Variants in CDH18 observed in about 807,000 individuals in gnomAD.
The protein encoded by CDH18 is cadherin-18.
CDH18 carries 31 observed loss-of-function variants against 67.9 expected under a neutral mutation model. The ratio of observed to expected loss-of-function variants is 0.46; its 90% CI spans 0.34 to 0.62. The LOEUF (loss-of-function observed/expected upper bound fraction) is 0.62, where lower values mean the gene tolerates loss of function less well. Ranked by LOEUF, CDH18 falls within the 20% of genes least tolerant of loss-of-function variation. The pLI is 0.01. For synonymous variants in CDH18, 362 were observed against 347.2 expected, an observed-to-expected ratio of 1.04 and a Z score of -0.48; for missense variants, 890 against 975.5, an observed-to-expected ratio of 0.91 and a Z score of 1.17.
At chr5:20,158,267 C>T (rs942669777) in intron 2 of CDH18, among the ~76,000 whole-genome samples, 3 of 151,962 alleles carry the variant, frequency 2.0e-5, no homozygotes, top group Non-Finnish European at 4.4e-5. Context: ...ATAAAATGGA[C>T]TAAATTTTGT....
chr5:20,373,587 T>C (rs1743178690), intron 1 of CDH18, among the ~76,000 whole-genome samples: 1 of 152,066 alleles, frequency 6.6e-6, no homozygotes, highest in East Asian at 1.9e-4. Flanking sequence ...CAGCATTACT[T>C]ACATTGGTTT....
chr5:19,991,128 G>C (rs1244236805), upstream of CDH18, among the ~76,000 whole-genome samples: 2 of 152,134 alleles, frequency 1.3e-5, no homozygotes, highest in African/African-American at 4.8e-5. Context: ...CTGAGAGAGA[G>C]ACTCAGAAAA....
chr5:19,651,860 T>G (rs1284084977), intron 5 of CDH18, among the ~76,000 whole-genome samples: 1 of 152,098 alleles, frequency 6.6e-6, no homozygotes, highest in East Asian at 1.9e-4. Context: ...AGTCTTACTT[T>G]TTATTAGCTC....
intron 5 of CDH18, among the ~76,000 whole-genome samples, chr5:19,633,071 TGTC>T (rs774675164): frequency 3.9e-5 from 6 of 152,192 alleles, no homozygotes; most frequent in South Asian, 2.1e-4. Flanking sequence ...TTTAGTCCCT[TGTC>T]GTATTCAGAG....
chr5:19,868,471 C>A (rs17222830), intron 2 of CDH18, among the ~76,000 whole-genome samples: 3 of 151,944 alleles, frequency 2.0e-5, no homozygotes, highest in East Asian at 3.9e-4. Context: ...ACGAAACATA[C>A]GCTTAAAATT....
chr5:20,048,851 T>C (rs777285410), intron 2 of CDH18, among the ~76,000 whole-genome samples: 1 of 151,716 alleles, frequency 6.6e-6, no homozygotes, highest in African/African-American at 2.4e-5. Context: ...TATAGCTTTC[T>C]ATCTCACCAT....
chr5:20,227,859 C>T (rs1461683804), intron 2 of CDH18, among the ~76,000 whole-genome samples: 1 of 151,526 alleles, frequency 6.6e-6, no homozygotes, highest in Non-Finnish European at 1.5e-5. Flanking sequence ...CTTCTTAGTT[C>T]CACAATTGTC....
intron 2 of CDH18, among the ~76,000 whole-genome samples, chr5:20,122,369 AG>A (rs200705666): frequency 0.021 from 3,256 of 152,304 alleles, 127 homozygotes; most frequent in African/African-American, 0.072. Context: ...AATGCTATTT[AG>A]GAAATAATAG....
chr5:20,007,672 AGT>A (rs145213048), intron 2 of CDH18, among the ~76,000 whole-genome samples: 11,443 of 140,024 alleles, frequency 0.082, 424 homozygotes, highest in Middle Eastern at 0.11. Flanking sequence ...GTGTGTGGAA[AGT>A]GTGTGTGTGT....
chr5:20,297,191 G>A (rs940281342), intron 1 of CDH18, among the ~76,000 whole-genome samples: 1 of 152,152 alleles, frequency 6.6e-6, no homozygotes, highest in Non-Finnish European at 1.5e-5. Flanking sequence ...TCATGAAAAT[G>A]ATCCTATAGG....
At chr5:20,249,475 C>A (rs1031568612) in intron 2 of CDH18, among the ~76,000 whole-genome samples, 12 of 151,052 alleles carry the variant, frequency 7.9e-5, no homozygotes, top group Non-Finnish European at 1.3e-4. Flanking sequence ...CTCCGCCTTC[C>A]GGGTTCACGC....
intron 1 of CDH18, among the ~76,000 whole-genome samples, chr5:20,558,028 T>TAGTTATATAACATTAAATGTTAC (rs1758009993): frequency 7.0e-6 from 1 of 143,672 alleles, no homozygotes; most frequent in Non-Finnish European, 1.5e-5. Flanking sequence ...TTAAATGTTA[T>TAGTTATATAACATTAAATGTTAC]AGTTATATAA....
chr5:19,684,805 A>C (rs568058932), intron 5 of CDH18, among the ~76,000 whole-genome samples: 2 of 152,258 alleles, frequency 1.3e-5, no homozygotes, highest in African/African-American at 2.4e-5. Flanking sequence ...TGAAGTTTCG[A>C]GAGGTAGATC....
chr5:20,499,198 C>T (rs1330043622), intron 1 of CDH18, among the ~76,000 whole-genome samples: 3 of 151,962 alleles, frequency 2.0e-5, no homozygotes. Flanking sequence ...TACGAAAATC[C>T]ACAGATGCTC....
intron 5 of CDH18, among the ~76,000 whole-genome samples, chr5:19,714,564 A>G (rs900085858): frequency 1.3e-5 from 2 of 151,764 alleles, no homozygotes; most frequent in African/African-American, 4.8e-5. Context: ...TCCAAGAGGA[A>G]CAAATTACTT....
At chr5:19,889,813 T>A (rs893722093) in intron 2 of CDH18, among the ~76,000 whole-genome samples, 1 of 152,154 alleles carries the variant, frequency 6.6e-6, no homozygotes, top group Admixed American at 6.6e-5. Context: ...TAAAATGCAT[T>A]ATCTAATAAC....
At chr5:20,425,927 C>T (rs928897140) in intron 1 of CDH18, among the ~76,000 whole-genome samples, 2 of 150,990 alleles carry the variant, frequency 1.3e-5, no homozygotes, top group Non-Finnish European at 2.9e-5. Context: ...GCATTCTCTC[C>T]CAGATAACAC....
intron 2 of CDH18, among the ~76,000 whole-genome samples, chr5:19,849,111 T>C (rs1237425204): frequency 6.6e-6 from 1 of 152,042 alleles, no homozygotes; most frequent in African/African-American, 2.4e-5. Context: ...TAGCTCTGTC[T>C]TCAAATTTAG....
chr5:20,320,569 A>G (rs1737913192), intron 1 of CDH18, among the ~76,000 whole-genome samples: 2 of 152,316 alleles, frequency 1.3e-5, no homozygotes, highest in Admixed American at 6.5e-5. Context: ...AATAGCTTCA[A>G]TGAGGTAAAC....
Sources: gnomAD v4.1 joint callset for allele counts (sites outside exome capture counted in the v4.1 genomes callset) on GRCh38, gnomAD v4.1.1 for gene constraint, MANE v1.5 for transcripts, NCBI Gene and HGNC (gene_info 2026-07-23, HGNC 2026-07-21) for gene names.